The following NXT2 variants were observed in gnomAD, a reference collection of about 807,000 sequenced individuals.
The protein encoded by NXT2 is nuclear transport factor 2 like export factor 2.
A neutral mutation model predicts 9.6 loss-of-function variants in NXT2; 1 was observed. The observed-to-expected ratio is 0.10, with a 90% confidence interval of 0.04 to 0.49. The LOEUF is 0.49. NXT2 is among the 20% of genes least tolerant of loss of function. NXT2 has a pLI of 0.95. For synonymous variants in NXT2, 22 were observed against 35.4 expected (o/e 0.62, Z 1.34); for missense variants, 48 against 100.3 (o/e 0.48, Z 2.23).
At chrX:109,537,223 C>G in intron 1 of NXT2, 1 of 1,023,123 alleles carries the variant, frequency 9.8e-7, no homozygotes, top group East Asian at 3.8e-5. Context: ...CTTTCTGATC[C>G]CGGAAAGGAC....
intron 2 of NXT2, among the ~76,000 whole-genome samples, chrX:109,539,800 G>T (rs1309505060): frequency 7.1e-5 from 8 of 112,107 alleles, no homozygotes; most frequent in African/African-American, 1.6e-4. Context: ...TAGGCTGCCT[G>T]TTCACTCTGA....
chrX:109,537,152 G>A, intron 1 of NXT2, 131 bp downstream of exon 1: 15 of 1,073,723 alleles, frequency 1.4e-5, no homozygotes, highest in East Asian at 3.6e-5. Context: ...TGCACTGCGG[G>A]GCGGGGCCCA....
upstream of NXT2, chrX:109,536,022 C>T: frequency 9.7e-7 from 1 of 1,032,004 alleles, no homozygotes; most frequent in Non-Finnish European, 1.3e-6. Flanking sequence ...AATCAGAAGT[C>T]ATTGGCGGCT....
At chrX:109,541,138 G>C (rs775030361) in intron 2 of NXT2, among the ~76,000 whole-genome samples, 64 of 111,975 alleles carry the variant, frequency 5.7e-4, no homozygotes, top group African/African-American at 2.0e-3. Context: ...GCTTGGGGCT[G>C]CATTTGCTTG....
At chrX:109,536,076 A>G, upstream of NXT2, 1 of 579,013 alleles carries the variant, frequency 1.7e-6, no homozygotes, top group Non-Finnish European at 2.8e-6. Context: ...GCAAAGCCAC[A>G]TTGCCATGAC....
intron 2 of NXT2, among the ~76,000 whole-genome samples, chrX:109,538,948 G>A (rs1057296934): frequency 9.0e-6 from 1 of 111,071 alleles, no homozygotes; most frequent in African/African-American, 3.3e-5. Flanking sequence ...AGGTATACAC[G>A]TGCCAAGGTG....
intron 2 of NXT2, among the ~76,000 whole-genome samples, chrX:109,540,230 A>C (rs1331706861): frequency 9.0e-6 from 1 of 111,248 alleles, no homozygotes; most frequent in African/African-American, 3.3e-5. Flanking sequence ...TTGAATGTGT[A>C]TTGTACCTTA....
At chrX:109,537,559 C>A in intron 1 of NXT2, 1 of 122,231 alleles carries the variant, frequency 8.2e-6, no homozygotes, top group Non-Finnish European at 1.5e-5. Context: ...GAACTACTTT[C>A]GTGTGTGTGT....
chrX:109,542,419 T>C, intron 3 of NXT2, 88 bp from the exon 4 acceptor site: 1 of 826,313 alleles, frequency 1.2e-6, no homozygotes, highest in Non-Finnish European at 1.7e-6. Context: ...TAAGCATTAG[T>C]CCATAAACAA....
At chrX:109,540,143 G>A (rs1356976162) in intron 2 of NXT2, among the ~76,000 whole-genome samples, 2 of 110,957 alleles carry the variant, frequency 1.8e-5, no homozygotes, top group African/African-American at 3.3e-5. Context: ...TAAGGCAAAA[G>A]ATAAAAGAAG....
rs1439402733 is a variant in NXT2, at chrX:109,544,491, G to T, written c.*1803G>T. On this transcript the variant is annotated 3_prime_UTR_variant, in exon 4 of 4. Coordinates refer to ENST00000372106, the MANE Select transcript of NXT2 (RefSeq NM_001242617.2). Reference sequence around the variant, plus strand: ...AGAAGAACAATGGTAACTAAAAGCTGCATATAACTAGCAATAACTACATTG... The same window carrying T: ...AGAAGAACAATGGTAACTAAAAGCTTCATATAACTAGCAATAACTACATTG... 1 of 112,597 alleles carries T rather than the reference G, an allele frequency of 8.9e-6. No individual in the cohort carries two copies. The highest frequency in any genetic ancestry group is 1.9e-5 in the Non-Finnish European group (1 of 53,152). 9.3% of individuals were successfully genotyped at this position (112,597 alleles called of 1,213,427 possible).
rs1170733712 is a variant in NXT2 at position 109,543,444 on chromosome X, A to G, written c.*756A>G. ...AATAGCTTTAACAGGAGAATAGGGA[A>G]TGAGAAATAGAAATCCAAGGCTGAA... On this transcript the variant is annotated 3_prime_UTR_variant, in exon 4 of 4. Transcript: ENST00000372106. The G allele has an allele frequency of 8.9e-6, 1 of 111,928 alleles. No individual in the cohort carries two copies. The highest frequency in any genetic ancestry group is 1.9e-5 in the Non-Finnish European group (1 of 53,020). The allele number at this position is 111,928 out of a possible 1,213,427, so 9.2% of individuals were successfully genotyped here. A position where few individuals can be genotyped will look rare whatever the true frequency, so the allele number is the denominator to read the frequency against.
chrX:109,541,546 C>T lies in NXT2; in HGVS notation c.174C>T (p.Ala58=), dbSNP rs753534626. Residue 58 remains alanine (A), a synonymous_variant, in exon 3 of 4, where the codon GCC becomes GCT. Coordinates refer to ENST00000372106, the MANE Select transcript of NXT2 (RefSeq NM_001242617.2). ...WNGNAVSGLD[A]LNNFFDTLPS... ...GAAATGCTGTTTCAGGGCTGGATGC[C>T]CTAAATAATTTTTTTGACACATTGC... is the stretch of plus-strand genomic sequence containing the variant. 6 of 1,205,214 alleles carry T rather than the reference C, an allele frequency of 5.0e-6. No homozygotes were observed. The highest frequency in any genetic ancestry group is 1.8e-5 in the African/African-American group (1 of 57,025).
intron 2 of NXT2, among the ~76,000 whole-genome samples, chrX:109,538,987 A>G (rs1036113073): frequency 2.7e-5 from 3 of 111,155 alleles, no homozygotes; most frequent in African/African-American, 6.6e-5. Context: ...CCCGTCATCT[A>G]CATTAGGTAT....
rs1933325731 is a variant in NXT2 at position 109,538,097 on chromosome X, A to G, written c.68A>G (p.Asn23Ser). ...QACRAAEEFV[N>S]IYYETMDKRR... ...TGTAGAGCTGCTGAGGAGTTTGTCA[A>G]TATTTACTATGAGACAATGGATAAA... The change falls in exon 2 of 4, where the codon AAT (asparagine) becomes AGT (serine). Residue 23 changes from asparagine to serine, a missense_variant. Coordinates refer to ENST00000372106, the MANE Select transcript of NXT2 (RefSeq NM_001242617.2). The G allele has an allele frequency of 8.4e-7, 1 of 1,191,231 alleles. No homozygotes were observed. The highest frequency in any genetic ancestry group is 1.8e-5 in the South Asian group (1 of 56,401).
chrX:109,536,823 C>T, upstream of NXT2: 1 of 1,103,330 alleles, frequency 9.1e-7, no homozygotes, highest in Non-Finnish European at 1.2e-6. Flanking sequence ...AAGGTTGGAA[C>T]ATCGGTGTGC....
chrX:109,542,765 G>T lies in NXT2; in HGVS notation c.*77G>T. On this transcript the variant is annotated 3_prime_UTR_variant, in exon 4 of 4. Transcript: ENST00000372106. ...TATGTGAATTATTTTGATTGTAGAA[G>T]CACTATAATATGTGCTGAAACTAAA... 1 of 813,720 alleles carries T rather than the reference G, an allele frequency of 1.2e-6. No individual in the cohort carries two copies. Among genetic ancestry groups the T allele is most frequent in the South Asian group, 3.1e-5 (1 of 31,967 alleles). 67.1% of individuals were successfully genotyped at this position (813,720 alleles called of 1,213,427 possible).
At position 109,541,351 on chromosome X, in the gene NXT2, T is replaced by C; in HGVS notation, c.103-124T>C. On this transcript the variant is annotated intron_variant, in intron 2 of 3. Transcript: ENST00000372106. ...TCCAGTGGAGATGGAGCAAGGGGAG[T>C]GGAGATGAAGGTAGAACTACAAAAA... The C allele has an allele frequency of 5.7e-6, 3 of 521,978 alleles. No individual in the cohort carries two copies. In the East Asian group the frequency reaches 1.1e-4, roughly 20 times the overall value. 43.0% of individuals were successfully genotyped at this position (521,978 alleles called of 1,213,427 possible).
chrX:109,536,628 A>G, upstream of NXT2: 1 of 228,138 alleles, frequency 4.4e-6, no homozygotes, highest in Non-Finnish European at 7.6e-6. Context: ...GGGGCAAAAA[A>G]GTCCCTGTAA....
Sources: allele counts gnomAD v4.1 joint callset (sites outside exome capture counted in the v4.1 genomes callset), GRCh38; gene constraint gnomAD v4.1.1; transcripts MANE v1.5; gene names NCBI Gene and HGNC (gene_info 2026-07-23, HGNC 2026-07-21).